KANK4: variants seen among roughly 807,000 people sequenced by gnomAD.
KANK4 encodes KN motif and ankyrin repeat domain-containing protein 4.
In KANK4, 50 loss-of-function variants were observed where a neutral mutation model predicts 80.8. The observed-to-expected ratio is 0.62, with a 90% CI of 0.49 to 0.78. The LOEUF is 0.78. KANK4 is among the 30% of genes least tolerant of loss of function. The probability of loss-of-function intolerance (pLI) is 0.00; values close to 1 mark genes in which losing one functional copy is unlikely to be tolerated. For missense variants in KANK4, 1,196 were observed against 1,240.1 expected (o/e 0.96, Z 0.53); for synonymous variants, 465 against 506.9 (o/e 0.92, Z 1.11).
intron 1 of KANK4, among the ~76,000 whole-genome samples, chr1:62,282,337 T>C (rs1454063577): frequency 6.6e-6 from 1 of 152,198 alleles, no homozygotes; most frequent in Non-Finnish European, 1.5e-5. Flanking sequence ...TTTCTTCAAA[T>C]GGTAAACATC....
At chr1:62,310,784 G>C (rs1458350399) in intron 1 of KANK4, among the ~76,000 whole-genome samples, 1 of 152,142 alleles carries the variant, frequency 6.6e-6, no homozygotes, top group African/African-American at 2.4e-5. Flanking sequence ...TCTAAGTCTA[G>C]TTCCTCCCAC....
chr1:62,242,952 C>T (rs1292997141), intron 9 of KANK4, among the ~76,000 whole-genome samples: 1 of 152,170 alleles, frequency 6.6e-6, no homozygotes, highest in Non-Finnish European at 1.5e-5. Flanking sequence ...ACTGTGCTCC[C>T]CAAAGTCACC....
intron 1 of KANK4, among the ~76,000 whole-genome samples, chr1:62,311,697 T>C (rs1461196902): frequency 6.6e-6 from 1 of 152,214 alleles, no homozygotes; most frequent in African/African-American, 2.4e-5. Context: ...TAGATTGCTT[T>C]GCATGGGATT....
rs764625867 is a variant in KANK4, at chr1:62,271,498, C to A, written c.1992G>T (p.Gln664His). 5 of 1,613,578 alleles carry A rather than the reference C, an allele frequency of 3.1e-6. No homozygotes were observed. Among genetic ancestry groups the A allele is most frequent in the Non-Finnish European group, 4.2e-6 (5 of 1,179,476 alleles). Residue 664 changes from glutamine to histidine, a missense_variant, in exon 4 of 10, where the codon CAG (glutamine) becomes CAT (histidine). By Grantham distance (24) the Gln-to-His change is conservative (BLOSUM62 0). Around this residue, in one of 3 missense-constraint regions of KANK4, gnomAD observed 1,154 missense variants for 1,179.6 expected, o/e 0.98. Transcript: ENST00000371153. ...AGGNGTKKNL[Q>H]FVGVNGGYET... ...CTTACCCACCGTTAACCCCAACAAA[C>A]TGAAGGTTCTTTTTGGTCCCATTAC... is the stretch of plus-strand genomic sequence containing the variant.
At chr1:62,282,370 T>C (rs1316295803) in intron 1 of KANK4, among the ~76,000 whole-genome samples, 1 of 152,174 alleles carries the variant, frequency 6.6e-6, no homozygotes, top group Non-Finnish European at 1.5e-5. Flanking sequence ...CCCATTACAA[T>C]GAATCACCCA....
intron 4 of KANK4, among the ~76,000 whole-genome samples, chr1:62,270,226 C>G (rs59318560): frequency 0.12 from 17,619 of 152,084 alleles, 1,713 homozygotes; most frequent in African/African-American, 0.26. Context: ...GGCGTTTCAG[C>G]TGGGGAGAGA....
At chr1:62,259,734 T>C (rs1240084053) in intron 7 of KANK4, among the ~76,000 whole-genome samples, 1 of 148,522 alleles carries the variant, frequency 6.7e-6, no homozygotes, top group African/African-American at 2.4e-5. Context: ...ATTATATTCA[T>C]TATTATATAA....
intron 1 of KANK4, among the ~76,000 whole-genome samples, chr1:62,294,721 C>G (rs1175840116): frequency 6.6e-6 from 1 of 152,248 alleles, no homozygotes; most frequent in Non-Finnish European, 1.5e-5. Flanking sequence ...ACCTAACCCT[C>G]TGGCAAGTTC....
intron 1 of KANK4, among the ~76,000 whole-genome samples, chr1:62,314,809 C>T (rs1265815320): frequency 6.6e-6 from 1 of 152,078 alleles, no homozygotes; most frequent in Non-Finnish European, 1.5e-5. Context: ...CCTGTGTCTC[C>T]AGAAAGCTAT....
At chr1:62,242,660 T>A (rs1168275700) in intron 9 of KANK4, among the ~76,000 whole-genome samples, 1 of 152,156 alleles carries the variant, frequency 6.6e-6, no homozygotes, top group Non-Finnish European at 1.5e-5. Context: ...GGCCAGCTGT[T>A]CTGGGAATTC....
chr1:62,255,902 G>A (rs1671741523), intron 7 of KANK4, among the ~76,000 whole-genome samples: 1 of 152,048 alleles, frequency 6.6e-6, no homozygotes, highest in Non-Finnish European at 1.5e-5. Flanking sequence ...CATCCACTTT[G>A]GCCTCCCAAA....
At chr1:62,280,683 G>T (rs1464667006) in intron 2 of KANK4, among the ~76,000 whole-genome samples, 1 of 152,258 alleles carries the variant, frequency 6.6e-6, no homozygotes, top group African/African-American at 2.4e-5. Context: ...GGGACAGGAA[G>T]AGGGGAACAT....
rs1672267189 is a variant in KANK4 at position 62,274,741 on chromosome 1, G to C, written c.363C>G (p.Ser121Arg). The change falls in exon 3 of 10, where the codon AGC becomes AGG. Residue 121 changes from serine (S) to arginine (R), a missense_variant. Around this residue, in one of 3 missense-constraint regions of KANK4, gnomAD observed 1,154 missense variants for 1,179.6 expected, o/e 0.98. Transcript: ENST00000371153. ...PLGNAPQAST[S>R]RSEVSYHRKA... ...TCCTGTGGTAGCTCACCTCACTCCT[G>C]CTTGTTGAGGCCTGGGGGGCATTAC... is the stretch of plus-strand genomic sequence containing the variant. 2 of 1,614,042 alleles carry C rather than the reference G, an allele frequency of 1.2e-6. No homozygotes were observed. The highest frequency in any genetic ancestry group is 1.3e-5 in the African/African-American group (1 of 74,922).
intron 1 of KANK4, among the ~76,000 whole-genome samples, chr1:62,311,367 G>A (rs1338454902): frequency 1.3e-5 from 2 of 151,930 alleles, no homozygotes; most frequent in Non-Finnish European, 2.9e-5. Flanking sequence ...ATATTCAAAG[G>A]TCTTGGCACG....
At chr1:62,295,086 G>A (rs368059030) in intron 1 of KANK4, among the ~76,000 whole-genome samples, 1 of 152,188 alleles carries the variant, frequency 6.6e-6, no homozygotes, top group East Asian at 1.9e-4. Flanking sequence ...ACAGAATGGT[G>A]GGGCATTTGG....
chr1:62,308,618 GTTT>G (rs1469854392), intron 1 of KANK4, among the ~76,000 whole-genome samples: 3 of 152,134 alleles, frequency 2.0e-5, no homozygotes, highest in Non-Finnish European at 4.4e-5. Context: ...CAAAGGAGCA[GTTT>G]CCAGCACCCA....
At chr1:62,260,036 ACT>A (rs1434153570) in intron 7 of KANK4, among the ~76,000 whole-genome samples, 1 of 151,746 alleles carries the variant, frequency 6.6e-6, no homozygotes, top group Non-Finnish European at 1.5e-5. Flanking sequence ...CCCTGATTCT[ACT>A]CTCACTTTCC....
intron 9 of KANK4, 101 bp from the exon 10 acceptor site, chr1:62,238,482 G>A: frequency 2.1e-6 from 2 of 951,924 alleles, no homozygotes; most frequent in Non-Finnish European, 1.7e-6. Flanking sequence ...TGGGACACAG[G>A]TGTCTATTAA....
At chr1:62,278,323 TCC>T (rs781330057) in intron 2 of KANK4, among the ~76,000 whole-genome samples, 13,161 of 30,922 alleles carry the variant, frequency 0.43, 3,221 homozygotes, top group African/African-American at 0.62. Flanking sequence ...TTTTCTTTCT[TCC>T]TTCCTTCCTT....
Sources: allele counts gnomAD v4.1 joint callset (sites outside exome capture counted in the v4.1 genomes callset), GRCh38; gene constraint gnomAD v4.1.1; regional missense constraint gnomAD v4.1.1; transcripts MANE v1.5; gene names NCBI Gene and HGNC (gene_info 2026-07-23, HGNC 2026-07-21).